IL21R: variants seen among roughly 807,000 people sequenced by gnomAD.
The protein encoded by IL21R is interleukin 21 receptor, also known as interleukin-21 receptor.
In IL21R, 14 loss-of-function variants were observed where a neutral mutation model predicts 41.3. The ratio of observed to expected loss-of-function variants is 0.34; its 90% CI spans 0.22 to 0.53. The LOEUF (loss-of-function observed/expected upper bound fraction) is 0.53, where lower values mean the gene tolerates loss of function less well. Ranked by LOEUF, IL21R falls within the 20% of genes least tolerant of loss-of-function variation. IL21R has a pLI of 0.94. For missense variants in IL21R, 588 were observed against 681.6 expected, an observed-to-expected ratio of 0.86 and a Z score of 1.53; for synonymous variants, 286 against 287.6, an observed-to-expected ratio of 0.99 and a Z score of 0.05.
At chr16:27,420,153 G>C (rs2086976582) in intron 1 of IL21R, among the ~76,000 whole-genome samples, 1 of 152,184 alleles carries the variant, frequency 6.6e-6, no homozygotes, top group African/African-American at 2.4e-5. Flanking sequence ...GCCTCCCAAA[G>C]TGCTGGGATT....
At chr16:27,431,571 A>G (rs2087172473) in intron 2 of IL21R, among the ~76,000 whole-genome samples, 2 of 151,904 alleles carry the variant, frequency 1.3e-5, no homozygotes, top group East Asian at 1.9e-4. Context: ...AATAATAGAC[A>G]TTTACTGCTC....
intron 1 of IL21R, chr16:27,403,321 G>A: frequency 3.4e-6 from 4 of 1,167,842 alleles, no homozygotes; most frequent in Non-Finnish European, 1.1e-6. Flanking sequence ...AACATTCCTG[G>A]TGGAGGAGCC....
Position 27,449,370 on chromosome 16 carries a change from T to G in IL21R, c.*87T>G. On this transcript the variant is annotated 3_prime_UTR_variant, in exon 9 of 9. Transcript: ENST00000337929. ...ACCTGGGCTGTGATGTGAAGACACC[T>G]GCAGCCTTTGGTCTCCTGGATGGGC... 5 of 1,377,352 alleles carry G rather than the reference T, an allele frequency of 3.6e-6. No homozygotes were observed. The highest frequency in any genetic ancestry group is 4.9e-6 in the Non-Finnish European group (5 of 1,026,886). 85.3% of individuals were successfully genotyped at this position (1,377,352 alleles called of 1,614,324 possible).
At chr16:27,446,357 T>C (rs1010846150) in intron 8 of IL21R, among the ~76,000 whole-genome samples, 2 of 152,064 alleles carry the variant, frequency 1.3e-5, no homozygotes, top group Non-Finnish European at 2.9e-5. Context: ...CCAAAGCAAG[T>C]GGACTGCTTG....
rs1467211630 is a variant in IL21R, at chr16:27,437,490, A to G, written c.155A>G (p.Gln52Arg). 1 of 1,613,384 alleles carries G rather than the reference A, an allele frequency of 6.2e-7. No homozygotes were observed. Among genetic ancestry groups the G allele is most frequent in the Admixed American group, 1.7e-5 (1 of 60,026 alleles). Residue 52 changes from glutamine (Q) to arginine (R), a missense_variant and splice_region_variant, in exon 4 of 9, where the codon CAA becomes CGA. Gln to Arg is a conservative substitution (Grantham distance 43). Coordinates refer to ENST00000337929, the MANE Select transcript of IL21R (RefSeq NM_181078.3). Reference protein sequence around the residue: ...LHPSTLTLTWQDQYEELKDEA... With the variant: ...LHPSTLTLTWRDQYEELKDEA... ...GACCGGCTGCTTTGTCCTTGAAGGC[A>G]AGACCAGTATGAAGAGCTGAAGGAC...
chr16:27,439,756 G>A (rs1596591102), intron 4 of IL21R, among the ~76,000 whole-genome samples: 1 of 152,120 alleles, frequency 6.6e-6, no homozygotes, highest in Non-Finnish European at 1.5e-5. Flanking sequence ...CTCCCTCCCT[G>A]CCAGGATCTG....
chr16:27,406,254 C>T (rs2141254856), intron 1 of IL21R, among the ~76,000 whole-genome samples: 1 of 152,380 alleles, frequency 6.6e-6, no homozygotes, highest in East Asian at 1.9e-4. Flanking sequence ...CCTTTCACTG[C>T]TCTACAAGCG....
At chr16:27,420,199 C>T (rs2086977573) in intron 1 of IL21R, among the ~76,000 whole-genome samples, 1 of 152,142 alleles carries the variant, frequency 6.6e-6, no homozygotes, top group African/African-American at 2.4e-5. Context: ...CCTGCATATG[C>T]TATACTTTTA....
rs761504519 is a variant in IL21R at position 27,449,082 on chromosome 16, G to A, written c.1416G>A (p.Gly472=). The A allele has an allele frequency of 3.7e-6, 6 of 1,613,394 alleles. No individual in the cohort carries two copies. Among genetic ancestry groups the A allele is most frequent in the Non-Finnish European group, 8.5e-7 (1 of 1,179,948 alleles). Residue 472 remains glycine, a synonymous_variant, in exon 9 of 9, where the codon GGG becomes GGA. Coordinates refer to ENST00000337929, the MANE Select transcript of IL21R (RefSeq NM_181078.3). The part of the protein sequence containing the change: ...GLPWGGRSPG[G]VSESEAGSPL... ...CCTGGGGTGGCCGGTCACCTGGAGG[G>A]GTCTCAGAGAGTGAGGCGGGCTCAC...
At position 27,437,526 on chromosome 16, in the gene IL21R, C is replaced by T. The variant is rs758877703; in HGVS notation, c.191C>T (p.Ser64Phe). 1.9e-6 allele frequency: 3 copies of T among 1,614,170 alleles called. No individual in the cohort carries two copies. In the Admixed American group the frequency reaches 5.0e-5, roughly 27 times the overall value. The change falls in exon 4 of 9, where the codon TCC becomes TTC. Residue 64 changes from serine to phenylalanine, a missense_variant. Transcript: ENST00000337929. Reference sequence around the variant, plus strand: ...GAAGAGCTGAAGGACGAGGCCACCTCCTGCAGCCTCCACAGGTCGGCCCAC... The same window carrying T: ...GAAGAGCTGAAGGACGAGGCCACCTTCTGCAGCCTCCACAGGTCGGCCCAC... ...QYEELKDEAT[S>F]CSLHRSAHNA...
intron 4 of IL21R, 79 bp from the exon 5 acceptor site, chr16:27,442,883 G>A: frequency 7.4e-7 from 1 of 1,351,550 alleles, no homozygotes; most frequent in Non-Finnish European, 1.0e-6. Context: ...GGGCAGGCAG[G>A]ACTTCCTCCC....
intron 1 of IL21R, among the ~76,000 whole-genome samples, chr16:27,414,160 T>G (rs2141263914): frequency 2.7e-5 from 1 of 36,584 alleles, no homozygotes; most frequent in East Asian, 3.4e-3. Flanking sequence ...ATGTTAGCTA[T>G]GTATAGTGTG....
chr16:27,431,454 T>A (rs2087169940), intron 2 of IL21R, among the ~76,000 whole-genome samples: 2 of 152,190 alleles, frequency 1.3e-5, no homozygotes, highest in Admixed American at 1.3e-4. Context: ...GACAGGTGCA[T>A]GGCCACACTA....
chr16:27,405,376 T>C (rs2086726566), intron 1 of IL21R, among the ~76,000 whole-genome samples: 1 of 133,242 alleles, frequency 7.5e-6, no homozygotes, highest in African/African-American at 2.5e-5. Flanking sequence ...CTTTTAGCTA[T>C]GAAAATACAG....
chr16:27,445,088 C>T (rs2087454806), intron 6 of IL21R, 89 bp from the exon 7 acceptor site: 1 of 880,442 alleles, frequency 1.1e-6, no homozygotes, highest in South Asian at 1.5e-5. Flanking sequence ...CTCTTCCACT[C>T]TACCCCAGAC....
intron 7 of IL21R, among the ~76,000 whole-genome samples, chr16:27,445,694 A>C (rs1280859716): frequency 6.6e-6 from 1 of 152,144 alleles, no homozygotes; most frequent in African/African-American, 2.4e-5. Flanking sequence ...AATAGTCCAC[A>C]CCTCTGAAAT....
At chr16:27,438,471 T>A (rs2087313099) in intron 4 of IL21R, among the ~76,000 whole-genome samples, 1 of 152,158 alleles carries the variant, frequency 6.6e-6, no homozygotes, top group Non-Finnish European at 1.5e-5. Context: ...ATGCCTGTAA[T>A]TCCAACACTT....
At chr16:27,414,444 T>A (rs1430545831) in intron 1 of IL21R, among the ~76,000 whole-genome samples, 1 of 152,042 alleles carries the variant, frequency 6.6e-6, no homozygotes, top group African/African-American at 2.4e-5. Context: ...AGATTTGACT[T>A]GTTAATATTT....
At position 27,444,538 on chromosome 16, in the gene IL21R, G is replaced by C; in HGVS notation, c.508-4G>C. On this transcript the variant is annotated splice_polypyrimidine_tract_variant and splice_region_variant and intron_variant, in intron 5 of 8. Transcript: ENST00000337929. The stretch of plus-strand genomic sequence containing the variant: ...CCTGGTGCATCCTTTCCTTGTACTG[G>C]CAGAGTCCGAGGAGAAAGCTGATCT... 1.3e-6 allele frequency: 2 copies of C among 1,485,026 alleles called. No individual in the cohort carries two copies. Among genetic ancestry groups the C allele is most frequent in the Non-Finnish European group, 1.8e-6 (2 of 1,113,248 alleles). 92.0% of individuals were successfully genotyped at this position (1,485,026 alleles called of 1,614,324 possible).
Sources: gnomAD v4.1 joint callset for allele counts (sites outside exome capture counted in the v4.1 genomes callset) on GRCh38, gnomAD v4.1.1 for gene constraint, MANE v1.5 for transcripts, NCBI Gene and HGNC (gene_info 2026-07-23, HGNC 2026-07-21) for gene names.